VPS26B: variants seen among roughly 807,000 people sequenced by gnomAD.
VPS26B encodes VPS26 retromer complex component B.
A neutral mutation model predicts 33.3 loss-of-function variants in VPS26B; 10 were observed. The observed-to-expected ratio is 0.30, with a 90% CI of 0.19 to 0.51. The LOEUF is 0.51. VPS26B is among the 20% of genes least tolerant of loss of function. The probability of loss-of-function intolerance (pLI) is 0.98; values close to 1 mark genes in which losing one functional copy is unlikely to be tolerated. For synonymous variants in VPS26B, 190 were observed against 176.9 expected, an observed-to-expected ratio of 1.07 and a Z score of -0.59; for missense variants, 317 against 452.7, an observed-to-expected ratio of 0.70 and a Z score of 2.72.
chr11:134,231,318 T>C (rs1938552468), intron 1 of VPS26B, among the ~76,000 whole-genome samples: 1 of 152,162 alleles, frequency 6.6e-6, no homozygotes, highest in Non-Finnish European at 1.5e-5. Flanking sequence ...TTTAATTCAT[T>C]AGCCCTTGAA....
chr11:134,246,136 G>T lies in VPS26B; in HGVS notation c.*546G>T, dbSNP rs563498208. On this transcript the variant is annotated 3_prime_UTR_variant, in exon 6 of 6. Coordinates refer to ENST00000281187, the MANE Select transcript of VPS26B (RefSeq NM_052875.5). ...GATGTGGTGATCTCAAGTTCCCACA[G>T]GCCACCTCCTTCTGGCCACTCACTG... 62 of 154,180 alleles carry T rather than the reference G, an allele frequency of 4.0e-4. 1 individual carries two copies. In the South Asian group the frequency reaches 0.012, roughly 30 times the overall value. 9.6% of individuals were successfully genotyped at this position (154,180 alleles called of 1,614,324 possible).
chr11:134,239,215 C>G (rs1397463624), intron 2 of VPS26B, among the ~76,000 whole-genome samples: 1 of 152,190 alleles, frequency 6.6e-6, no homozygotes, highest in Non-Finnish European at 1.5e-5. Context: ...TGTTATTCAA[C>G]AGACCAGGTC....
rs138823375 is a variant in VPS26B at position 134,245,478 on chromosome 11, G to C, written c.899G>C (p.Arg300Pro). Reference protein sequence around the residue: ...VVLWRKGDIVRKSMSHQAAIA... With the variant: ...VVLWRKGDIVPKSMSHQAAIA... The stretch of plus-strand genomic sequence containing the variant: ...TTGTGGCGGAAGGGTGACATCGTAC[G>C]GAAGAGCATGTCCCACCAGGCGGCC... The change falls in exon 6 of 6, where the codon CGG becomes CCG. Residue 300 changes from arginine to proline, a missense_variant. Coordinates refer to ENST00000281187, the MANE Select transcript of VPS26B (RefSeq NM_052875.5). The surrounding 1 kb of genome is among the most constrained non-coding windows in gnomAD (Gnocchi z 4.7). 2 of 1,613,974 alleles carry C rather than the reference G, an allele frequency of 1.2e-6. No homozygotes were observed. The highest frequency in any genetic ancestry group is 1.7e-6 in the Non-Finnish European group (2 of 1,179,884).
chr11:134,242,997 T>C (rs1938756723), intron 3 of VPS26B, 122 bp from the exon 4 acceptor site: 1 of 895,124 alleles, frequency 1.1e-6, no homozygotes, highest in Non-Finnish European at 1.7e-6. Flanking sequence ...CAGTGATGGG[T>C]GAGTGTGTCC....
intron 1 of VPS26B, among the ~76,000 whole-genome samples, chr11:134,227,309 GT>G (rs1938494399): frequency 6.6e-6 from 1 of 152,198 alleles, no homozygotes; most frequent in Non-Finnish European, 1.5e-5. Flanking sequence ...TTTAGTAGCA[GT>G]TTTAAAGTTA....
At chr11:134,241,845 C>T (rs1367732952) in intron 3 of VPS26B, among the ~76,000 whole-genome samples, 1 of 152,196 alleles carries the variant, frequency 6.6e-6, no homozygotes, top group Non-Finnish European at 1.5e-5. Flanking sequence ...AGAAGTTGGG[C>T]GGTCAGCAGA....
intron 1 of VPS26B, among the ~76,000 whole-genome samples, chr11:134,232,753 A>T (rs1251808677): frequency 6.6e-6 from 1 of 152,142 alleles, no homozygotes; most frequent in Admixed American, 6.5e-5. Flanking sequence ...GATTCTGGAC[A>T]CTGGGGCCTT....
chr11:134,232,131 CA>C (rs1481650689), intron 1 of VPS26B, among the ~76,000 whole-genome samples: 1 of 149,770 alleles, frequency 6.7e-6, no homozygotes, highest in Non-Finnish European at 1.5e-5. Context: ...TTACCTTAAC[CA>C]AAAACTTACT....
chr11:134,230,425 GA>G (rs916482228), intron 1 of VPS26B, among the ~76,000 whole-genome samples: 1 of 152,184 alleles, frequency 6.6e-6, no homozygotes, highest in African/African-American at 2.4e-5. Flanking sequence ...AAGAAAGACA[GA>G]AATCAGGTTT....
intron 1 of VPS26B, among the ~76,000 whole-genome samples, chr11:134,231,005 G>C (rs1938548230): frequency 6.6e-6 from 1 of 152,236 alleles, no homozygotes; most frequent in Non-Finnish European, 1.5e-5. Context: ...AGATGCAGTA[G>C]TCTGTAAGGA....
At position 134,243,202 on chromosome 11, in the gene VPS26B, T is replaced by C; in HGVS notation, c.629T>C (p.Ile210Thr). ...IKIKHMEIDI[I>T]KRETTGTGPN... ...ATCAAGCACATGGAGATAGACATCATCAAGCGAGAAACGACGGGTACAGGC... is the reference window on the plus strand; with the variant it reads ...ATCAAGCACATGGAGATAGACATCACCAAGCGAGAAACGACGGGTACAGGC... Residue 210 changes from isoleucine to threonine, a missense_variant, in exon 4 of 6, where the codon ATC becomes ACC. Ile to Thr is a moderately conservative substitution (Grantham distance 89, BLOSUM62 -1). Transcript: ENST00000281187. 1 of 1,614,100 alleles carries C rather than the reference T, an allele frequency of 6.2e-7. No homozygotes were observed.
chr11:134,237,702 A>G (rs996562015), intron 2 of VPS26B, among the ~76,000 whole-genome samples: 1 of 152,176 alleles, frequency 6.6e-6, no homozygotes, highest in African/African-American at 2.4e-5. Context: ...AGAGTGTTTC[A>G]AGGAAGAAGT....
chr11:134,236,642 A>G (rs2136049847), intron 2 of VPS26B: 1 of 152,390 alleles, frequency 6.6e-6, no homozygotes, highest in South Asian at 2.1e-4. Flanking sequence ...AAAAGGAAGG[A>G]CATTCTGTCC....
At chr11:134,234,236 G>A (rs1019727798) in intron 1 of VPS26B, among the ~76,000 whole-genome samples, 2 of 152,198 alleles carry the variant, frequency 1.3e-5, no homozygotes, top group Non-Finnish European at 2.9e-5. Flanking sequence ...AGCTACTAAC[G>A]ATGTTTTTGA....
In VPS26B at chr11:134,245,225, C is replaced by A; in HGVS notation, c.864+145C>A. The A allele has an allele frequency of 1.5e-6, 2 of 1,357,362 alleles. No individual in the cohort carries two copies. The highest frequency in any genetic ancestry group is 9.9e-7 in the Non-Finnish European group (1 of 1,013,530). The allele number at this position is 1,357,362 out of a possible 1,614,324, so 84.1% of individuals were successfully genotyped here. On this transcript the variant is annotated intron_variant, in intron 5 of 5. Transcript: ENST00000281187. This position sits in a 1 kb window ranked among gnomAD's most constrained non-coding sequence, Gnocchi z 4.7. The stretch of plus-strand genomic sequence containing the variant: ...GCACAACAAGAATGAGGATTCTCAC[C>A]TGGCCTTAGAGTCTGCTTCCTCGGG...
At chr11:134,236,969 G>A (rs954675805) in intron 2 of VPS26B, among the ~76,000 whole-genome samples, 4 of 152,214 alleles carry the variant, frequency 2.6e-5, no homozygotes, top group African/African-American at 4.8e-5. Flanking sequence ...TATGTTATAC[G>A]TATTTTGCCA....
chr11:134,240,794 CGTGTGTGTGTGTGTGTGTGT>C lies in VPS26B; in HGVS notation c.545+654_545+673del, dbSNP rs55726358. On this transcript the variant is annotated intron_variant, in intron 3 of 5. Transcript: ENST00000281187. The surrounding 1 kb of genome is among the most constrained non-coding windows in gnomAD (Gnocchi z 4.4). ...GTGTCCGTGTGTGTGTGTGTGTGTC[CGTGTGTGTGTGTGTGTGTGT>C]GTGTGTGTGTGTGTAGCCAAGGTTT... Among the ~76,000 whole-genome samples the C allele has an allele frequency of 1.4e-5, 2 of 138,434 alleles. No individual in the cohort carries two copies. The highest frequency in any genetic ancestry group is 5.5e-5 in the African/African-American group (2 of 36,342). The allele number at this position is 138,434 out of a possible 152,430, so 90.8% of individuals were successfully genotyped here.
intron 2 of VPS26B, among the ~76,000 whole-genome samples, chr11:134,238,045 T>C (rs1040486101): frequency 6.6e-6 from 1 of 152,170 alleles, no homozygotes; most frequent in Non-Finnish European, 1.5e-5. Context: ...TCAGAATATG[T>C]AGAAGGATCC....
At position 134,225,459 on chromosome 11, in the gene VPS26B, T is replaced by C. The variant is rs975260707; in HGVS notation, c.223+114T>C. Reference sequence around the variant, plus strand: ...TGTCACAGTCGCTTGTCAACTGCAGTCTGAGGCCTGGGGTTCAGCTACAAG... The same window carrying C: ...TGTCACAGTCGCTTGTCAACTGCAGCCTGAGGCCTGGGGTTCAGCTACAAG... On this transcript the variant is annotated intron_variant, in intron 1 of 5. Coordinates refer to ENST00000281187, the MANE Select transcript of VPS26B (RefSeq NM_052875.5). 1.1e-5 allele frequency: 11 copies of C among 1,039,698 alleles called. No homozygotes were observed. In the African/African-American group the frequency reaches 1.6e-4, roughly 15 times the overall value. The allele number at this position is 1,039,698 out of a possible 1,614,324, so 64.4% of individuals were successfully genotyped here. A position where few individuals can be genotyped will look rare whatever the true frequency, so the allele number is the denominator to read the frequency against.
Sources: allele counts gnomAD v4.1 joint callset (sites outside exome capture counted in the v4.1 genomes callset), GRCh38; gene constraint gnomAD v4.1.1; non-coding constraint Gnocchi (gnomAD v3.1); transcripts MANE v1.5; gene names NCBI Gene and HGNC (gene_info 2026-07-23, HGNC 2026-07-21).